CEP112: variants seen among roughly 807,000 people sequenced by gnomAD.
The protein encoded by CEP112 is centrosomal protein 112.
Under a neutral mutation model 153.0 loss-of-function variants are expected in CEP112, and 127 were observed. The ratio of observed to expected loss-of-function variants is 0.83; its 90% CI spans 0.72 to 0.96. CEP112 has a LOEUF of 0.96. Ranked by LOEUF, CEP112 falls within the 40% of genes least tolerant of loss-of-function variation. The pLI, the probability that CEP112 is intolerant of heterozygous loss-of-function variation, is 0.00. For synonymous variants in CEP112, 358 were observed against 374.4 expected, an observed-to-expected ratio of 0.96 and a Z score of 0.51; for missense variants, 1,089 against 1,101.2, an observed-to-expected ratio of 0.99 and a Z score of 0.16.
chr17:66,003,359 A>G (rs144906488), intron 17 of CEP112, among the ~76,000 whole-genome samples: 198 of 152,296 alleles, frequency 1.3e-3, no homozygotes, highest in Middle Eastern at 6.8e-3. Context: ...GGGCTCTTTG[A>G]CTATCTACCA....
intron 17 of CEP112, among the ~76,000 whole-genome samples, chr17:66,001,515 T>C (rs1159286943): frequency 6.6e-6 from 1 of 152,164 alleles, no homozygotes; most frequent in Non-Finnish European, 1.5e-5. Context: ...TTTATGACAA[T>C]GCAAAAAGAG....
chr17:65,937,518 A>C (rs1205480834), intron 18 of CEP112, among the ~76,000 whole-genome samples: 3 of 138,852 alleles, frequency 2.2e-5, no homozygotes, highest in South Asian at 2.7e-4. Flanking sequence ...CCCGTCTGAG[A>C]AGTGAGGAGC....
chr17:65,677,103 A>G (rs891266819), intron 24 of CEP112, among the ~76,000 whole-genome samples: 2 of 152,206 alleles, frequency 1.3e-5, no homozygotes, highest in African/African-American at 4.8e-5. Context: ...CTTCTTATTA[A>G]TAATAAAAAA....
At position 65,681,735 on chromosome 17, in the gene CEP112, G is replaced by A. The variant is rs1265772267; in HGVS notation, c.2697+7394C>T. On this transcript the variant is annotated intron_variant, in intron 24 of 26. Coordinates refer to ENST00000535342, the MANE Select transcript of CEP112 (RefSeq NM_001199165.4). ...GTAGCCCAGGCTGGAGTACAGTGGT[G>A]CAATCTTGGCTCACTGCAACCTCTG... Among the ~76,000 whole-genome samples, 5 of 147,266 alleles carry A rather than the reference G, an allele frequency of 3.4e-5. No homozygotes were observed. The East Asian group carries it at 9.9e-4, about 29-fold the overall frequency.
chr17:65,787,237 T>G (rs1178178959), intron 21 of CEP112, among the ~76,000 whole-genome samples: 3 of 152,330 alleles, frequency 2.0e-5, no homozygotes, highest in Admixed American at 6.5e-5. Context: ...CTCAGCACTT[T>G]GGGAAGCCGA....
chr17:65,747,105 T>G (rs931360618), intron 22 of CEP112, among the ~76,000 whole-genome samples: 12 of 152,034 alleles, frequency 7.9e-5, no homozygotes, highest in Admixed American at 6.6e-4. Context: ...GGTTAGGATT[T>G]CATCTTCAAC....
chr17:65,662,428 T>TAGAG (rs2046433516), intron 24 of CEP112, among the ~76,000 whole-genome samples: 1 of 152,252 alleles, frequency 6.6e-6, no homozygotes, highest in African/African-American at 2.4e-5. Flanking sequence ...GGAATGTCTC[T>TAGAG]GTGCATTCTT....
rs561970435 is a variant in CEP112 at position 65,942,130 on chromosome 17, G to A, written c.1873-14441C>T. Among the ~76,000 whole-genome samples the A allele has an allele frequency of 1.4e-4, 21 of 152,272 alleles. No homozygotes were observed. The South Asian group carries it at 3.7e-3, about 27-fold the overall frequency. ...TCCAGCAGGAGGTGAGTGGCAGGGT[G>A]AGTGAGCATTACCACCTAAGCTCCA... is the stretch of plus-strand genomic sequence containing the variant. On this transcript the variant is annotated intron_variant, in intron 18 of 26. Transcript: ENST00000535342.
intron 24 of CEP112, among the ~76,000 whole-genome samples, chr17:65,649,077 C>CAAACAAACAA (rs1567808320): frequency 5.2e-5 from 5 of 95,904 alleles, no homozygotes; most frequent in African/African-American, 1.5e-4. Context: ...CAAACAAACA[C>CAAACAAACAA]ACACACACAC....
intron 8 of CEP112, among the ~76,000 whole-genome samples, chr17:66,078,494 G>C (rs2067593557): frequency 6.6e-6 from 1 of 152,012 alleles, no homozygotes; most frequent in African/African-American, 2.4e-5. Context: ...CTGACCTCAT[G>C]ATCCACCTGC....
At chr17:65,681,876 C>T (rs1333614281) in intron 24 of CEP112, among the ~76,000 whole-genome samples, 7 of 151,862 alleles carry the variant, frequency 4.6e-5, no homozygotes, top group Non-Finnish European at 7.4e-5. Flanking sequence ...GACAGGGTTT[C>T]ACCATGTTGG....
Position 65,675,244 on chromosome 17 carries a change from G to A in CEP112, c.2697+13885C>T, listed in dbSNP as rs184135726. 3.2e-3 allele frequency among the ~76,000 whole-genome samples: 493 copies of A among 152,176 alleles called. 3 individuals carry two copies. The highest frequency in any genetic ancestry group is 4.7e-3 in the Non-Finnish European group (319 of 68,012). On this transcript the variant is annotated intron_variant, in intron 24 of 26. Transcript: ENST00000535342. ...GTAAAAGTAGAAAAATCTAAATACC[G>A]TAACTACTAAAAAAAGTATATCTAT...
chr17:66,136,969 G>A (rs2070462130), intron 4 of CEP112, among the ~76,000 whole-genome samples: 1 of 151,952 alleles, frequency 6.6e-6, no homozygotes, highest in African/African-American at 2.4e-5. Flanking sequence ...TTAACACAAA[G>A]GGTCAAGGAA....
chr17:65,996,024 G>C (rs925163027), intron 17 of CEP112, among the ~76,000 whole-genome samples: 1 of 152,062 alleles, frequency 6.6e-6, no homozygotes, highest in Admixed American at 6.5e-5. Context: ...ACCCAGTCTT[G>C]GGTATGTCTT....
chr17:65,993,274 C>T (rs7217974), intron 17 of CEP112, among the ~76,000 whole-genome samples: 151,760 of 152,350 alleles, frequency 1, 75,587 homozygotes, highest in Middle Eastern at 1. Context: ...CATGATCTCA[C>T]TGCTTTTTAT....
intron 16 of CEP112, among the ~76,000 whole-genome samples, chr17:66,011,681 T>C (rs188499683): frequency 7.6e-4 from 115 of 152,294 alleles, no homozygotes; most frequent in Admixed American, 1.3e-3. Context: ...ATGAGAAGAA[T>C]ATATATTCTG....
rs951423042 is a variant in CEP112, at chr17:65,641,013, G to A, written c.2750C>T (p.Ala917Val). 3.1e-6 allele frequency: 5 copies of A among 1,611,580 alleles called. No homozygotes were observed. Among genetic ancestry groups the A allele is most frequent in the African/African-American group, 2.7e-5 (2 of 74,894 alleles). ...YETKLKGLMP[A>V]SLRQELEDTI... is the part of the protein sequence containing the mutation. ...GTCTTCAAGTTCTTGTCTTAGGGAT[G>A]CTGGCATCAATCCTTTCAATTTTGT... Residue 917 changes from alanine to valine, a missense_variant, in exon 25 of 27, where the codon GCA becomes GTA. Ala to Val is a moderately conservative substitution (Grantham distance 64). Coordinates refer to ENST00000535342, the MANE Select transcript of CEP112 (RefSeq NM_001199165.4).
intron 20 of CEP112, among the ~76,000 whole-genome samples, chr17:65,857,439 T>A (rs958785229): frequency 1.3e-5 from 2 of 152,198 alleles, no homozygotes; most frequent in African/African-American, 4.8e-5. Flanking sequence ...GAGTCTTGTC[T>A]TGATACTGAT....
At chr17:65,761,872 TG>T (rs1313952850) in intron 21 of CEP112, among the ~76,000 whole-genome samples, 1 of 152,150 alleles carries the variant, frequency 6.6e-6, no homozygotes, top group Non-Finnish European at 1.5e-5. Flanking sequence ...CCGCTGCTGT[TG>T]GATGAAGTAG....
Sources: allele counts gnomAD v4.1 joint callset (sites outside exome capture counted in the v4.1 genomes callset), GRCh38; gene constraint gnomAD v4.1.1; transcripts MANE v1.5; gene names NCBI Gene and HGNC (gene_info 2026-07-23, HGNC 2026-07-21).